Variants in PGAM5 observed in about 807,000 individuals in gnomAD.
The protein encoded by PGAM5 is PGAM family member 5, mitochondrial serine/threonine protein phosphatase, also known as serine/threonine-protein phosphatase PGAM5, mitochondrial.
In PGAM5, 25 loss-of-function variants were observed where a neutral mutation model predicts 30.6. That is an observed-to-expected ratio of 0.82 (90% CI 0.60 to 1.14). PGAM5 has a LOEUF of 1.14. Among genes scored for constraint, PGAM5 ranks in the 50% most tolerant of loss-of-function variants. The pLI is 0.00. For missense variants in PGAM5, 384 were observed against 408.5 expected (o/e 0.94, Z 0.52); for synonymous variants, 201 against 179.1 (o/e 1.12, Z -0.98).
chr12:132,717,389 G>A (rs1475586968), intron 2 of PGAM5, 50 bp from the exon 3 acceptor site: 2 of 1,582,022 alleles, frequency 1.3e-6, no homozygotes, highest in Non-Finnish European at 1.7e-6. Context: ...GGTGTTTGAG[G>A]GTGGAGGAGG....
At chr12:132,720,350 C>G (rs909811313) in intron 5 of PGAM5, among the ~76,000 whole-genome samples, 1 of 150,718 alleles carries the variant, frequency 6.6e-6, no homozygotes, top group Non-Finnish European at 1.5e-5. Flanking sequence ...CTCTGTCACC[C>G]AGGCTGGAGT....
In PGAM5 at chr12:132,721,870, T is replaced by TG. The variant is rs1326445701; in HGVS notation, c.*1045dup. On this transcript the variant is annotated 3_prime_UTR_variant, in exon 6 of 6. Transcript: ENST00000498926. ...CACCCACCTTGGCCTCCCAAAGTGC[T>TG]GGGATTAAAGGTGTGAGCCATCGTG... 6.6e-6 allele frequency: 1 copy of TG among 152,234 alleles called. No individual in the cohort carries two copies. The highest frequency in any genetic ancestry group is 1.5e-5 in the Non-Finnish European group (1 of 68,050). 9.4% of individuals were successfully genotyped at this position (152,234 alleles called of 1,614,324 possible).
chr12:132,719,731 C>T (rs377446872), intron 5 of PGAM5, among the ~76,000 whole-genome samples: 7 of 152,360 alleles, frequency 4.6e-5, no homozygotes, highest in East Asian at 1.9e-4. Context: ...CTGTTCCGGC[C>T]GGTGCCGCCA....
chr12:132,720,301 C>G (rs1566001386), intron 5 of PGAM5, among the ~76,000 whole-genome samples: 1 of 149,108 alleles, frequency 6.7e-6, no homozygotes, highest in Non-Finnish European at 1.5e-5. Context: ...TCCCCTGGCT[C>G]TAGCCCAGCC....
chr12:132,710,930 G>T lies in PGAM5; in HGVS notation c.54G>T (p.Ser18=). The change falls in exon 1 of 6, where the codon TCG becomes TCT. Residue 18 remains serine (S), a synonymous_variant. Coordinates refer to ENST00000498926, the MANE Select transcript of PGAM5 (RefSeq NM_001170543.2). ...QLAACGLAGG[S]AAVLFSAVAV... ...CGGCCTGCGGGCTGGCCGGGGGCTC[G>T]GCCGCCGTGCTCTTCTCGGCCGTGG... 1 of 1,162,706 alleles carries T rather than the reference G, an allele frequency of 8.6e-7. No individual in the cohort carries two copies. The highest frequency in any genetic ancestry group is 1.1e-6 in the Non-Finnish European group (1 of 944,710). 72.0% of individuals were successfully genotyped at this position (1,162,706 alleles called of 1,614,324 possible).
At chr12:132,720,640 C>T (rs1441350730) in intron 5 of PGAM5, 38 bp from the exon 6 acceptor site, 4 of 1,523,270 alleles carry the variant, frequency 2.6e-6, no homozygotes, top group Non-Finnish European at 3.5e-6. Context: ...AGCCCCCTGG[C>T]TCTAACGTGC....
In PGAM5 at chr12:132,720,800, T is replaced by G. The variant is rs1277078870; in HGVS notation, c.842T>G (p.Met281Arg). ...ALRTLGDTGF[M>R]PPDKITRS Reference sequence around the variant, plus strand: ...AGGACCCTCGGGGACACGGGGTTCATGCCTCCCGACAAGATCACTCGATCC... The same window carrying G: ...AGGACCCTCGGGGACACGGGGTTCAGGCCTCCCGACAAGATCACTCGATCC... The change falls in exon 6 of 6, where the codon ATG (methionine) becomes AGG (arginine). Residue 281 changes from methionine to arginine, a missense_variant. Physicochemically the swap from Met to Arg is moderately conservative, Grantham distance 91. Coordinates refer to ENST00000498926, the MANE Select transcript of PGAM5 (RefSeq NM_001170543.2). 1 of 1,536,438 alleles carries G rather than the reference T, an allele frequency of 6.5e-7. No individual in the cohort carries two copies. Among genetic ancestry groups the G allele is most frequent in the Admixed American group, 2.0e-5 (1 of 50,986 alleles).
intron 1 of PGAM5, 179 bp from the exon 2 acceptor site, chr12:132,714,679 C>A: frequency 1.5e-6 from 1 of 645,232 alleles, no homozygotes; most frequent in South Asian, 1.9e-5. Flanking sequence ...CTGGCACTAG[C>A]TTTGTGGGAG....
At chr12:132,720,132 G>GT (rs372139128) in intron 5 of PGAM5, among the ~76,000 whole-genome samples, 57 of 152,266 alleles carry the variant, frequency 3.7e-4, no homozygotes, top group African/African-American at 1.3e-3. Context: ...GTCGATCCCA[G>GT]CCAGATCTTC....
rs2043601025 is a variant in PGAM5, at chr12:132,718,056, CAGG to C, written c.663_665del (p.Glu221del). On this transcript the variant is annotated inframe_deletion, in exon 5 of 6. Coordinates refer to ENST00000498926, the MANE Select transcript of PGAM5 (RefSeq NM_001170543.2). ...CTACATCCACCGCGCAGATGCCAGG[CAGG>C]AGGAGGACAGTTACGAGATCTTCAT... 3.7e-6 allele frequency: 6 copies of C among 1,612,768 alleles called. No individual in the cohort carries two copies. The highest frequency in any genetic ancestry group is 2.7e-5 in the African/African-American group (2 of 74,930).
rs568408897 is a variant in PGAM5, at chr12:132,712,581, C to T, written c.191+1514C>T. Among the ~76,000 whole-genome samples, 10 of 152,216 alleles carry T rather than the reference C, an allele frequency of 6.6e-5. No homozygotes were observed. The South Asian group carries it at 1.7e-3, about 25-fold the overall frequency. ...AAGCAATTCTCCTGCCTCAGCCTCC[C>T]GAGTAGCTGGGATTACAGGCACGCG... On this transcript the variant is annotated intron_variant, in intron 1 of 5. Transcript: ENST00000498926.
At chr12:132,713,418 AG>A (rs780036164) in intron 1 of PGAM5, among the ~76,000 whole-genome samples, 6 of 152,134 alleles carry the variant, frequency 3.9e-5, no homozygotes, top group Non-Finnish European at 5.9e-5. Flanking sequence ...TTCTTCCTGG[AG>A]GTCTCATGCA....
At position 132,718,091 on chromosome 12, in the gene PGAM5, C is replaced by T. The variant is rs749333889; in HGVS notation, c.690C>T (p.His230=). ...EEDSYEIFIC[H]ANVIRYIVCR... ...ACAGTTACGAGATCTTCATCTGTCACGCCAACGTCATCCGCTACATCGTGT... is the reference window on the plus strand; with the variant it reads ...ACAGTTACGAGATCTTCATCTGTCATGCCAACGTCATCCGCTACATCGTGT... Residue 230 remains histidine, a synonymous_variant, in exon 5 of 6, where the codon CAC becomes CAT. Transcript: ENST00000498926. 19 of 1,612,674 alleles carry T rather than the reference C, an allele frequency of 1.2e-5. No individual in the cohort carries two copies. Among genetic ancestry groups the T allele is most frequent in the Admixed American group, 3.3e-5 (2 of 59,982 alleles).
intron 5 of PGAM5, 87 bp downstream of exon 5, chr12:132,718,207 C>T (rs2043602990): frequency 1.3e-6 from 2 of 1,538,366 alleles, no homozygotes; most frequent in Admixed American, 3.6e-5. Flanking sequence ...GACCCTCCTC[C>T]ACTGCCGATG....
intron 1 of PGAM5, among the ~76,000 whole-genome samples, chr12:132,714,366 T>A (rs2043551600): frequency 6.6e-6 from 1 of 152,256 alleles, no homozygotes; most frequent in South Asian, 2.1e-4. Flanking sequence ...TGTTTTAATT[T>A]TATTTAATTT....
At chr12:132,715,070 C>T (rs779036096) in intron 2 of PGAM5, 34 bp downstream of exon 2, 147 of 1,547,976 alleles carry the variant, frequency 9.5e-5, no homozygotes, top group East Asian at 2.7e-4. Context: ...TGTGGACCCT[C>T]GTGGTTATGT....
chr12:132,717,670 G>C, intron 3 of PGAM5, 40 bp from the exon 4 acceptor site: 1 of 1,566,226 alleles, frequency 6.4e-7, no homozygotes, highest in East Asian at 2.4e-5. Flanking sequence ...CTCCGCCGGC[G>C]GGGCCGCCTC....
chr12:132,715,799 A>G (rs1212575011), intron 2 of PGAM5, among the ~76,000 whole-genome samples: 1 of 151,062 alleles, frequency 6.6e-6, no homozygotes. Flanking sequence ...GAATTGCTTG[A>G]CCCTGGGAGG....
At chr12:132,714,249 C>A (rs2043550684) in intron 1 of PGAM5, among the ~76,000 whole-genome samples, 1 of 152,168 alleles carries the variant, frequency 6.6e-6, no homozygotes, top group Non-Finnish European at 1.5e-5. Flanking sequence ...AACTCTTGAC[C>A]TCAGTTGATC....
Sources: gnomAD v4.1 joint callset for allele counts (sites outside exome capture counted in the v4.1 genomes callset) on GRCh38, gnomAD v4.1.1 for gene constraint, MANE v1.5 for transcripts, NCBI Gene and HGNC (gene_info 2026-07-23, HGNC 2026-07-21) for gene names.